The following PDE6H variants were observed in gnomAD, a reference collection of about 807,000 sequenced individuals.
PDE6H encodes retinal cone rhodopsin-sensitive cGMP 3',5'-cyclic phosphodiesterase subunit gamma.
A neutral mutation model predicts 9.2 loss-of-function variants in PDE6H; 11 were observed. The observed-to-expected ratio is 1.19, with a 90% CI of 0.75 to 1.97. The LOEUF is 1.97. Ranked by LOEUF, PDE6H falls within the 30% of genes most tolerant of loss-of-function variation. The pLI is 0.00. For synonymous variants in PDE6H, 36 were observed against 33.6 expected (o/e 1.07, Z -0.25); for missense variants, 98 against 101.5 (o/e 0.97, Z 0.15).
At position 14,981,505 on chromosome 12, in the gene PDE6H, A is replaced by C. The variant is rs1352316054; in HGVS notation, c.*29A>C. 3.3e-6 allele frequency: 5 copies of C among 1,528,264 alleles called. No homozygotes were observed. The African/African-American group carries it at 5.5e-5, about 17-fold the overall frequency. The allele number at this position is 1,528,264 out of a possible 1,614,324, so 94.7% of individuals were successfully genotyped here. A position where few individuals can be genotyped will look rare whatever the true frequency, so the allele number is the denominator to read the frequency against. On this transcript the variant is annotated 3_prime_UTR_variant, in exon 4 of 4. Coordinates refer to ENST00000266395, the MANE Select transcript of PDE6H (RefSeq NM_006205.3). ...GCCAGAGGTTCTGCCACTCTCAATG[A>C]CATCTGCTGTAATTTTGGTTGCTTT...
At chr12:14,976,305 C>T (rs1864594518) in intron 1 of PDE6H, among the ~76,000 whole-genome samples, 1 of 152,136 alleles carries the variant, frequency 6.6e-6, no homozygotes, top group Non-Finnish European at 1.5e-5. Flanking sequence ...GCCAATCTCA[C>T]CATCCCTGGT....
At chr12:14,976,407 G>A (rs529317255) in intron 1 of PDE6H, among the ~76,000 whole-genome samples, 39 of 152,164 alleles carry the variant, frequency 2.6e-4, no homozygotes, top group Non-Finnish European at 3.8e-4. Context: ...AATTGTCAAG[G>A]AAATAAGAAA....
At chr12:14,973,638 G>T (rs1311188887) in intron 1 of PDE6H, among the ~76,000 whole-genome samples, 1 of 152,078 alleles carries the variant, frequency 6.6e-6, no homozygotes, top group East Asian at 1.9e-4. Context: ...TTATGGCTTT[G>T]GTTTGGGTCT....
At chr12:14,977,834 T>C in intron 1 of PDE6H, 138 bp from the exon 2 acceptor site, 1 of 610,444 alleles carries the variant, frequency 1.6e-6, no homozygotes, top group Non-Finnish European at 2.9e-6. Flanking sequence ...GATGATAACT[T>C]CTCCCCTTTT....
chr12:14,976,359 G>A (rs1348378290), intron 1 of PDE6H, among the ~76,000 whole-genome samples: 2 of 152,142 alleles, frequency 1.3e-5, no homozygotes, highest in African/African-American at 4.8e-5. Context: ...ATTTAAATAA[G>A]AGAAAAATCT....
chr12:14,981,495 A>G lies in PDE6H; in HGVS notation c.*19A>G. 1 of 1,568,326 alleles carries G rather than the reference A, an allele frequency of 6.4e-7. No homozygotes were observed. Among genetic ancestry groups the G allele is most frequent in the Non-Finnish European group, 8.8e-7 (1 of 1,138,286 alleles). ...TATCTGAAGTGCCAGAGGTTCTGCC[A>G]CTCTCAATGACATCTGCTGTAATTT... On this transcript the variant is annotated 3_prime_UTR_variant, in exon 4 of 4. Coordinates refer to ENST00000266395, the MANE Select transcript of PDE6H (RefSeq NM_006205.3).
chr12:14,975,432 G>T (rs181015087), intron 1 of PDE6H, among the ~76,000 whole-genome samples: 2 of 151,644 alleles, frequency 1.3e-5, no homozygotes, highest in East Asian at 3.9e-4. Context: ...TGAGAGAAAA[G>T]AAACTTTTTG....
chr12:14,976,599 G>T (rs1201374238), intron 1 of PDE6H, among the ~76,000 whole-genome samples: 2 of 152,118 alleles, frequency 1.3e-5, no homozygotes, highest in African/African-American at 4.8e-5. Context: ...TGAGGCGGGA[G>T]GGTCACTTGA....
chr12:14,974,573 A>G (rs1274486236), intron 1 of PDE6H, among the ~76,000 whole-genome samples: 3 of 152,248 alleles, frequency 2.0e-5, no homozygotes. Context: ...TAAAAATGCA[A>G]AAGAAACTTG....
intron 1 of PDE6H, among the ~76,000 whole-genome samples, chr12:14,975,607 C>G (rs1054621393): frequency 6.6e-6 from 1 of 151,992 alleles, no homozygotes; most frequent in African/African-American, 2.4e-5. Flanking sequence ...CCCAGGGTCC[C>G]AACCACACTT....
intron 1 of PDE6H, among the ~76,000 whole-genome samples, chr12:14,977,521 G>A (rs1006196736): frequency 1.3e-5 from 2 of 152,140 alleles, no homozygotes; most frequent in African/African-American, 2.4e-5. Flanking sequence ...GAGAAGTACA[G>A]CATCATAATA....
At chr12:14,979,463 C>G (rs778818563) in intron 3 of PDE6H, among the ~76,000 whole-genome samples, 1 of 152,152 alleles carries the variant, frequency 6.6e-6, no homozygotes, top group Non-Finnish European at 1.5e-5. Flanking sequence ...TGTCAAACAA[C>G]CTTTGAGGGC....
At chr12:14,978,268 C>G (rs953844044) in intron 2 of PDE6H, 122 bp downstream of exon 2, 1 of 795,942 alleles carries the variant, frequency 1.3e-6, no homozygotes, top group African/African-American at 1.7e-5. Flanking sequence ...ACTCCATCCT[C>G]TCTTTTCCTC....
Position 14,981,402 on chromosome 12 carries a change from AT to A in PDE6H, c.179del (p.Ile60ThrfsTer3), listed in dbSNP as rs1864681321. ...TGCTCTTCTTCCATCTCTTGCAGAT[AT>A]CACAGTGATTTGTCCATGGGAGGCA... ...IPGMEGLGTD[I>X]TVICPWEAFS... On this transcript the variant is annotated frameshift_variant, in exon 4 of 4. Coordinates refer to ENST00000266395, the MANE Select transcript of PDE6H (RefSeq NM_006205.3). LOFTEE classifies it high-confidence loss of function. 1.9e-6 allele frequency: 3 copies of A among 1,603,942 alleles called. No individual in the cohort carries two copies. The African/African-American group carries it at 4.0e-5, about 21-fold the overall frequency.
chr12:14,980,956 T>C (rs1226420030), intron 3 of PDE6H, among the ~76,000 whole-genome samples: 1 of 152,214 alleles, frequency 6.6e-6, no homozygotes, highest in Non-Finnish European at 1.5e-5. Context: ...TGTAAAGGAA[T>C]AGAAGAACAA....
chr12:14,975,124 G>C (rs1258899520), intron 1 of PDE6H, among the ~76,000 whole-genome samples: 2 of 152,114 alleles, frequency 1.3e-5, no homozygotes, highest in African/African-American at 4.8e-5. Context: ...TCTCTACCGT[G>C]TTACCATCAA....
chr12:14,979,100 C>T (rs2233624), intron 2 of PDE6H, 79 bp from the exon 3 acceptor site: 1 of 909,882 alleles, frequency 1.1e-6, no homozygotes, highest in Admixed American at 1.9e-5. Context: ...CCCCTTGAAT[C>T]AAGAAACTCT....
In PDE6H at chr12:14,981,764, A is replaced by G; in HGVS notation, c.*288A>G. ...GTTTATCTGTAAGTCCTTTAAATCT[A>G]TTTTTGCTAGGCATTCATTATGATT... On this transcript the variant is annotated 3_prime_UTR_variant, in exon 4 of 4. Coordinates refer to ENST00000266395, the MANE Select transcript of PDE6H (RefSeq NM_006205.3). The G allele has an allele frequency of 2.0e-6, 1 of 504,790 alleles. No homozygotes were observed. Among genetic ancestry groups the G allele is most frequent in the Non-Finnish European group, 3.6e-6 (1 of 279,436 alleles). The allele number at this position is 504,790 out of a possible 1,614,324, so 31.3% of individuals were successfully genotyped here.
chr12:14,977,896 C>T, intron 1 of PDE6H, 76 bp from the exon 2 acceptor site: 1 of 1,007,532 alleles, frequency 9.9e-7, no homozygotes, highest in Admixed American at 2.3e-5. Context: ...TCTTCTCCAG[C>T]CTGAAATAAA....
Sources: allele counts gnomAD v4.1 joint callset (sites outside exome capture counted in the v4.1 genomes callset), GRCh38; gene constraint gnomAD v4.1.1; transcripts MANE v1.5; gene names NCBI Gene and HGNC (gene_info 2026-07-23, HGNC 2026-07-21).